ZNF268: variants seen among roughly 807,000 people sequenced by gnomAD.
The protein encoded by ZNF268 is zinc finger protein 268, also known as zinc finger protein 3.
In ZNF268, 20 loss-of-function variants were observed where a neutral mutation model predicts 29.3. The observed-to-expected ratio is 0.68, with a 90% confidence interval of 0.48 to 0.99. The LOEUF (loss-of-function observed/expected upper bound fraction) is 0.99, where lower values mean the gene tolerates loss of function less well. ZNF268 is among the 50% of genes least tolerant of loss of function. The probability of loss-of-function intolerance (pLI) is 0.00; values close to 1 mark genes in which losing one functional copy is unlikely to be tolerated. For synonymous variants in ZNF268, 429 were observed against 376.9 expected (o/e 1.14, Z -1.60); for missense variants, 1,240 against 1,121.6 (o/e 1.11, Z -1.51).
intron 2 of ZNF268, among the ~76,000 whole-genome samples, chr12:133,183,615 G>T (rs1246860913): frequency 6.6e-6 from 1 of 152,186 alleles, no homozygotes; most frequent in Non-Finnish European, 1.5e-5. Context: ...GTTCTACTCT[G>T]TGGGCCTGGT....
At chr12:133,185,856 G>T (rs190894928) in intron 2 of ZNF268, among the ~76,000 whole-genome samples, 12 of 142,070 alleles carry the variant, frequency 8.4e-5, no homozygotes, top group African/African-American at 2.7e-4. Context: ...TGAAGGTGGA[G>T]TCCTCTTTTC....
chr12:133,210,777 A>C lies in ZNF268; in HGVS notation c.*6247A>C, dbSNP rs1245689527. On this transcript the variant is annotated 3_prime_UTR_variant, in exon 6 of 6. Coordinates refer to ENST00000536435, the MANE Select transcript of ZNF268 (RefSeq NM_003415.3). ...TGTGATGCAGCCTCTAGTGATCCCC[A>C]GGTCCTGAGTAGAAGGAAGGCCTGG... The C allele has an allele frequency of 1.3e-5, 6 of 453,798 alleles. No individual in the cohort carries two copies. Among genetic ancestry groups the C allele is most frequent in the South Asian group, 9.3e-5 (6 of 64,520 alleles). The allele number at this position is 453,798 out of a possible 1,614,324, so 28.1% of individuals were successfully genotyped here.
Position 133,202,656 on chromosome 12 carries a change from A to G in ZNF268, c.970A>G (p.Arg324Gly). 2 of 1,606,448 alleles carry G rather than the reference A, an allele frequency of 1.2e-6. No individual in the cohort carries two copies. The change falls in exon 6 of 6, where the codon AGA (arginine) becomes GGA (glycine). Residue 324 changes from arginine (R) to glycine (G), a missense_variant. Arg to Gly is a moderately radical substitution (Grantham distance 125). Around this residue, in one of 3 missense-constraint regions of ZNF268, gnomAD observed 1,177 missense variants for 1,039.6 expected, o/e 1.13. Coordinates refer to ENST00000536435, the MANE Select transcript of ZNF268 (RefSeq NM_003415.3). Reference protein sequence around the residue: ...SSKSYLIVHQRIHTGEKLHEC... With the variant: ...SSKSYLIVHQGIHTGEKLHEC... ...TAAATCATACCTCATTGTACATCAGAGAATTCATACAGGAGAGAAACTACA... is the reference window on the plus strand; with the variant it reads ...TAAATCATACCTCATTGTACATCAGGGAATTCATACAGGAGAGAAACTACA...
At chr12:133,191,673 C>G in intron 4 of ZNF268, 58 bp downstream of exon 4, 1 of 1,598,694 alleles carries the variant, frequency 6.3e-7, no homozygotes, top group Non-Finnish European at 8.5e-7. Context: ...TTCTTGGTTG[C>G]TGAAAACTGG....
chr12:133,203,857 A>G lies in ZNF268; in HGVS notation c.2171A>G (p.His724Arg). ...HMRTHTGEKP[H>R]ECRECGKSFS... ...AGAACTCATACAGGAGAGAAACCAC[A>G]TGAGTGCAGGGAATGCGGGAAATCC... Residue 724 changes from histidine to arginine, a missense_variant, in exon 6 of 6, where the codon CAT (histidine) becomes CGT (arginine). His to Arg is a conservative substitution (Grantham distance 29). Coordinates refer to ENST00000536435, the MANE Select transcript of ZNF268 (RefSeq NM_003415.3). 2 of 1,567,730 alleles carry G rather than the reference A, an allele frequency of 1.3e-6. No individual in the cohort carries two copies. The highest frequency in any genetic ancestry group is 1.7e-6 in the Non-Finnish European group (2 of 1,161,900).
intron 3 of ZNF268, among the ~76,000 whole-genome samples, chr12:133,189,024 G>C (rs991320637): frequency 2.6e-5 from 4 of 151,404 alleles, no homozygotes; most frequent in Non-Finnish European, 5.9e-5. Flanking sequence ...TTCACTTTTC[G>C]ATTTACAGTG....
At chr12:133,183,773 C>T (rs941318575) in intron 2 of ZNF268, among the ~76,000 whole-genome samples, 9 of 152,004 alleles carry the variant, frequency 5.9e-5, no homozygotes, top group South Asian at 2.1e-4. Context: ...AATGTGTACC[C>T]TAAGAAGAGA....
At chr12:133,186,048 T>C (rs917589305) in intron 2 of ZNF268, among the ~76,000 whole-genome samples, 9 of 152,326 alleles carry the variant, frequency 5.9e-5, no homozygotes, top group African/African-American at 2.2e-4. Context: ...TATTATCACC[T>C]TAAAACTTCA....
At chr12:133,198,355 C>T (rs1956665578) in intron 5 of ZNF268, among the ~76,000 whole-genome samples, 1 of 149,858 alleles carries the variant, frequency 6.7e-6, no homozygotes, top group African/African-American at 2.5e-5. Flanking sequence ...AGATATGCGG[C>T]ATTATTTCTG....
chr12:133,191,466 T>C, intron 3 of ZNF268, 23 bp from the exon 4 acceptor site: 1 of 1,613,700 alleles, frequency 6.2e-7, no homozygotes, highest in Non-Finnish European at 8.5e-7. Context: ...AACTTGAAAT[T>C]GGATGAGCAT....
rs559678555 is a variant in ZNF268 at position 133,214,397 on chromosome 12, C to T, written c.*9867C>T. 6.6e-6 allele frequency: 1 copy of T among 152,026 alleles called. No individual in the cohort carries two copies. Among genetic ancestry groups the T allele is most frequent in the Non-Finnish European group, 1.5e-5 (1 of 68,042 alleles). The allele number at this position is 152,026 out of a possible 1,614,324, so 9.4% of individuals were successfully genotyped here. A position where few individuals can be genotyped will look rare whatever the true frequency, so the allele number is the denominator to read the frequency against. ...GAAACATTGTGCTGAGAACCCAGCA[C>T]AAGGCCACACACCTGTAATCCCAGC... On this transcript the variant is annotated 3_prime_UTR_variant, in exon 6 of 6. Coordinates refer to ENST00000536435, the MANE Select transcript of ZNF268 (RefSeq NM_003415.3).
rs1268501769 is a variant in ZNF268 at position 133,204,190 on chromosome 12, C to T, written c.2504C>T (p.Pro835Leu). The T allele has an allele frequency of 1.3e-6, 2 of 1,540,328 alleles. No individual in the cohort carries two copies. The highest frequency in any genetic ancestry group is 1.7e-6 in the Non-Finnish European group (2 of 1,147,176). ...GAGCGAACTCATGCAGGGGTCAACC[C>T]TTATAAATGCAGTCAATGTGAGAAA... Reference protein sequence around the residue: ...VHERTHAGVNPYKCSQCEKSF... With the variant: ...VHERTHAGVNLYKCSQCEKSF... The change falls in exon 6 of 6, where the codon CCT (proline) becomes CTT (leucine). Residue 835 changes from proline (P) to leucine (L), a missense_variant. Around this residue, in one of 3 missense-constraint regions of ZNF268, gnomAD observed 1,177 missense variants for 1,039.6 expected, o/e 1.13. Coordinates refer to ENST00000536435, the MANE Select transcript of ZNF268 (RefSeq NM_003415.3).
chr12:133,184,950 A>G (rs570933304), intron 2 of ZNF268, among the ~76,000 whole-genome samples: 33 of 152,270 alleles, frequency 2.2e-4, no homozygotes, highest in Non-Finnish European at 4.0e-4. Flanking sequence ...TTGGGAGGCC[A>G]AGGTGGGCAG....
chr12:133,203,031 T>A lies in ZNF268; in HGVS notation c.1345T>A (p.Cys449Ser), dbSNP rs899552154. ...TGEKPYVCSD[C>S]GKAFTFKSQL... ...GGAGAAACCTTATGTTTGTAGTGAT[T>A]GTGGAAAAGCCTTTACATTCAAGTC... Residue 449 changes from cysteine to serine, a missense_variant, in exon 6 of 6, where the codon TGT (cysteine) becomes AGT (serine). Cys to Ser is a moderately radical substitution (Grantham distance 112, BLOSUM62 -1). Coordinates refer to ENST00000536435, the MANE Select transcript of ZNF268 (RefSeq NM_003415.3). 2.8e-5 allele frequency: 43 copies of A among 1,543,106 alleles called. No individual in the cohort carries two copies. The highest frequency in any genetic ancestry group is 3.6e-5 in the Non-Finnish European group (41 of 1,149,844).
In ZNF268 at chr12:133,203,475, T is replaced by TCA; in HGVS notation, c.1792_1793dup (p.Gln598HisfsTer31). The TCA allele has an allele frequency of 6.5e-7, 1 of 1,542,344 alleles. No individual in the cohort carries two copies. Among genetic ancestry groups the TCA allele is most frequent in the Non-Finnish European group, 8.7e-7 (1 of 1,148,418 alleles). On this transcript the variant is annotated frameshift_variant, in exon 6 of 6. Transcript: ENST00000536435. LOFTEE classifies it low-confidence loss of function (END_TRUNC). ...CTGTGGAAAGGCTTTTGGTTTAAAGTCACAGCTTATTATACACCAGAGAAC... is the reference window on the plus strand; with the variant it reads ...CTGTGGAAAGGCTTTTGGTTTAAAGTCACACAGCTTATTATACACCAGAGAAC...
At chr12:133,196,072 C>T (rs1956587580) in intron 5 of ZNF268, among the ~76,000 whole-genome samples, 1 of 150,274 alleles carries the variant, frequency 6.7e-6, no homozygotes, top group Non-Finnish European at 1.5e-5. Flanking sequence ...GCCTGTAATC[C>T]CAGCACTTTG....
In ZNF268 at chr12:133,202,594, C is replaced by G. The variant is rs1467977643; in HGVS notation, c.908C>G (p.Pro303Arg). The G allele has an allele frequency of 1.2e-6, 2 of 1,606,712 alleles. No individual in the cohort carries two copies. The highest frequency in any genetic ancestry group is 3.4e-5 in the Admixed American group (2 of 58,556). The stretch of plus-strand genomic sequence containing the variant: ...CAGCAAACTCATGCCGAAGAGAAAC[C>G]CTATGGTTGTAATGAATGTGGGAAA... Reference protein sequence around the residue: ...VHQQTHAEEKPYGCNECGKDF... With the variant: ...VHQQTHAEEKRYGCNECGKDF... The change falls in exon 6 of 6, where the codon CCC becomes CGC. Residue 303 changes from proline (P) to arginine (R), a missense_variant. Pro to Arg is a moderately radical substitution (Grantham distance 103). Coordinates refer to ENST00000536435, the MANE Select transcript of ZNF268 (RefSeq NM_003415.3).
At position 133,202,430 on chromosome 12, in the gene ZNF268, C is replaced by T; in HGVS notation, c.744C>T (p.Tyr248=). ...AGCAAACTGTTATTGGAATAAAATA[C>T]TGTGAAAGTATTGAATCTGGAAAAA... ...KHEQTVIGIK[Y]CESIESGKTV... is the part of the protein sequence containing the mutation. Residue 248 remains tyrosine (Y), a synonymous_variant, in exon 6 of 6, where the codon TAC becomes TAT. Transcript: ENST00000536435. The T allele has an allele frequency of 6.2e-7, 1 of 1,610,762 alleles. No homozygotes were observed. Among genetic ancestry groups the T allele is most frequent in the Non-Finnish European group, 8.5e-7 (1 of 1,178,250 alleles).
intron 2 of ZNF268, among the ~76,000 whole-genome samples, chr12:133,182,445 A>G (rs1956199705): frequency 6.6e-6 from 1 of 152,220 alleles, no homozygotes; most frequent in African/African-American, 2.4e-5. Context: ...CTAAAAATGC[A>G]AAGATGGGTT....
Sources: gnomAD v4.1 joint callset for allele counts (sites outside exome capture counted in the v4.1 genomes callset) on GRCh38, gnomAD v4.1.1 for gene constraint, gnomAD v4.1.1 regional missense constraint, MANE v1.5 for transcripts, NCBI Gene and HGNC (gene_info 2026-07-23, HGNC 2026-07-21) for gene names.